The following TKT variants were observed in gnomAD, a reference collection of about 807,000 sequenced individuals.
TKT encodes the protein transketolase, also known as epididymis luminal protein 107.
In TKT, 47 loss-of-function variants were observed where a neutral mutation model predicts 63.9. That is an observed-to-expected ratio of 0.74 (90% confidence interval 0.58 to 0.94). The LOEUF (loss-of-function observed/expected upper bound fraction) is 0.94. Ranked by LOEUF, TKT falls within the 40% of genes least tolerant of loss-of-function variation. The pLI, the probability that TKT is intolerant of heterozygous loss-of-function variation, is 0.00. For synonymous variants in TKT, 338 were observed against 334.1 expected (o/e 1.01, Z -0.13); for missense variants, 721 against 846.2 (o/e 0.85, Z 1.84).
intron 4 of TKT, among the ~76,000 whole-genome samples, chr3:53,238,702 C>T (rs1705140253): frequency 1.3e-5 from 2 of 152,256 alleles, no homozygotes; most frequent in Non-Finnish European, 2.9e-5. Flanking sequence ...CCCCGAGCTC[C>T]TGTGGTGCCC....
rs1705117776 is a variant in TKT at position 53,238,097 on chromosome 3, C to T, written c.437+2154G>A. Among the ~76,000 whole-genome samples, 4 of 152,164 alleles carry T rather than the reference C, an allele frequency of 2.6e-5. No homozygotes were observed. The South Asian group carries it at 8.3e-4, about 31-fold the overall frequency. On this transcript the variant is annotated intron_variant, in intron 4 of 13. Coordinates refer to ENST00000462138, the MANE Select transcript of TKT (RefSeq NM_001064.4). ...AATCCCTGGATGCCCTGGCCCCTTC[C>T]CCCAGGTACAGTCAGGGGCCTAGGC...
intron 5 of TKT, chr3:53,234,208 C>T (rs1225968087): frequency 6.6e-6 from 1 of 152,354 alleles, no homozygotes; most frequent in Non-Finnish European, 1.5e-5. Flanking sequence ...TCAGGGAACA[C>T]AGGCCTGCGT....
chr3:53,240,223 G>T (rs1705211294), intron 4 of TKT, 28 bp downstream of exon 4: 1 of 1,601,342 alleles, frequency 6.2e-7, no homozygotes, highest in South Asian at 1.1e-5. Context: ...AAACTACCCA[G>T]GTTGGGGGTG....
At chr3:53,249,345 A>T (rs1705652151) in intron 1 of TKT, among the ~76,000 whole-genome samples, 1 of 151,928 alleles carries the variant, frequency 6.6e-6, no homozygotes, top group South Asian at 2.1e-4. Flanking sequence ...TGGGAGGCCA[A>T]GGCTGGCGGG....
At position 53,255,989 on chromosome 3, in the gene TKT, G is replaced by A. The variant is rs1389700177; in HGVS notation, c.-47C>T. The stretch of plus-strand genomic sequence containing the variant: ...GCGCACACGCGGACACACAGAGATA[G>A]CGGCTGCTCCCGCGGCGACAGGCGG... On this transcript the variant is annotated 5_prime_UTR_variant, in exon 1 of 14. Coordinates refer to ENST00000462138, the MANE Select transcript of TKT (RefSeq NM_001064.4). The A allele has an allele frequency of 1.3e-5, 18 of 1,355,840 alleles. No individual in the cohort carries two copies. The highest frequency in any genetic ancestry group is 8.9e-5 in the East Asian group (3 of 33,778). The allele number at this position is 1,355,840 out of a possible 1,614,324, so 84.0% of individuals were successfully genotyped here.
intron 1 of TKT, among the ~76,000 whole-genome samples, chr3:53,252,183 A>T (rs1158126980): frequency 6.6e-6 from 1 of 152,236 alleles, no homozygotes; most frequent in Non-Finnish European, 1.5e-5. Context: ...GCTCCCCCAG[A>T]AAAGGGGACA....
In TKT at chr3:53,226,814, G is replaced by A. The variant is rs41275537; in HGVS notation, c.1638C>T (p.Leu546=). Residue 546 remains leucine, a synonymous_variant, in exon 13 of 14, where the codon CTC becomes CTT. Transcript: ENST00000462138. ...TIKPLDRKLI[L]DSARATKGRI... ...TGCCCTTGGTGGCACGAGCGCTGTC[G>A]AGAATGAGTTTTCTGTCCAGGGGCT... is the stretch of plus-strand genomic sequence containing the variant. 1.9e-5 allele frequency: 31 copies of A among 1,613,960 alleles called. No homozygotes were observed. In the South Asian group the frequency reaches 2.4e-4, roughly 13 times the overall value.
chr3:53,235,315 G>A (rs1704974995), intron 4 of TKT, 141 bp from the exon 5 acceptor site: 6 of 702,014 alleles, frequency 8.5e-6, no homozygotes, highest in Admixed American at 3.5e-5. Context: ...ATTTACACTC[G>A]AGGGGCAACA....
At chr3:53,231,618 C>T in intron 6 of TKT, 68 bp from the exon 7 acceptor site, 1 of 1,495,224 alleles carries the variant, frequency 6.7e-7, no homozygotes, top group Non-Finnish European at 9.1e-7. Context: ...CAGGAGGCTG[C>T]TCCAGGAGAC....
In TKT at chr3:53,228,055, C is replaced by T. The variant is rs781918439; in HGVS notation, c.1573+1G>A. On this transcript the variant is annotated splice_donor_variant, in intron 12 of 13. Coordinates refer to ENST00000462138, the MANE Select transcript of TKT (RefSeq NM_001064.4). LOFTEE classifies it high-confidence loss of function. ...TGACTTTGGAGGCCCCTTCTCCTCA[C>T]CTTTCTTCAGCAGTTCGGCAGCGGC... is the stretch of plus-strand genomic sequence containing the variant. 3.7e-6 allele frequency: 6 copies of T among 1,612,404 alleles called. No individual in the cohort carries two copies. In the South Asian group the frequency reaches 6.6e-5, roughly 18 times the overall value.
intron 1 of TKT, among the ~76,000 whole-genome samples, chr3:53,244,910 C>T (rs1553680643): frequency 6.6e-6 from 1 of 150,804 alleles, no homozygotes; most frequent in East Asian, 1.9e-4. Context: ...AAAACTAACA[C>T]ACCCTGCCTT....
At chr3:53,254,513 A>G (rs1705895530) in intron 1 of TKT, among the ~76,000 whole-genome samples, 1 of 152,248 alleles carries the variant, frequency 6.6e-6, no homozygotes, top group South Asian at 2.1e-4. Context: ...GAACAGATTT[A>G]CTTCTTAATA....
chr3:53,252,031 T>C (rs782190174), intron 1 of TKT, among the ~76,000 whole-genome samples: 4 of 152,082 alleles, frequency 2.6e-5, no homozygotes, highest in East Asian at 1.9e-4. Context: ...TCCCAGCTAC[T>C]TGGGAGGCTG....
In TKT at chr3:53,256,019, C is replaced by T. The variant is rs1470277041; in HGVS notation, c.-77G>A. 3.5e-6 allele frequency: 3 copies of T among 852,756 alleles called. No individual in the cohort carries two copies. The highest frequency in any genetic ancestry group is 3.6e-5 in the African/African-American group (2 of 55,056). 52.8% of individuals were successfully genotyped at this position (852,756 alleles called of 1,614,324 possible). ...TGCTCCCGCGGCGACAGGCGGCTGC[C>T]GAGGCCGGGCGCGGGGCGGGGGCGC... On this transcript the variant is annotated 5_prime_UTR_variant, in exon 1 of 14. Transcript: ENST00000462138.
chr3:53,240,844 C>T (rs896438116), intron 3 of TKT, among the ~76,000 whole-genome samples: 1 of 152,190 alleles, frequency 6.6e-6, no homozygotes, highest in Non-Finnish European at 1.5e-5. Flanking sequence ...CAAGCTGTAG[C>T]TACCTAGCCA....
intron 10 of TKT, 119 bp downstream of exon 10, chr3:53,228,888 C>A (rs1704617497): frequency 2.1e-6 from 3 of 1,424,294 alleles, no homozygotes; most frequent in African/African-American, 1.4e-5. Flanking sequence ...TACACGAACA[C>A]CAGGGGCAAG....
chr3:53,241,792 G>A (rs1482376187), intron 2 of TKT: 3 of 344,714 alleles, frequency 8.7e-6, no homozygotes, highest in Non-Finnish European at 1.7e-5. Context: ...CCACAACCCA[G>A]ACCGAGATGC....
intron 4 of TKT, among the ~76,000 whole-genome samples, chr3:53,236,164 C>T (rs1187484253): frequency 1.3e-5 from 2 of 152,230 alleles, no homozygotes; most frequent in African/African-American, 2.4e-5. Context: ...CTGTGTAGCC[C>T]TAGGAAATGA....
chr3:53,235,250 G>T, intron 4 of TKT, 76 bp from the exon 5 acceptor site: 1 of 1,344,438 alleles, frequency 7.4e-7, no homozygotes, highest in Non-Finnish European at 9.8e-7. Flanking sequence ...CCCATCCAAG[G>T]AGCCTGCATT....
Sources: gnomAD v4.1 joint callset for allele counts (sites outside exome capture counted in the v4.1 genomes callset) on GRCh38, gnomAD v4.1.1 for gene constraint, MANE v1.5 for transcripts, NCBI Gene and HGNC (gene_info 2026-07-23, HGNC 2026-07-21) for gene names.